Variants in UNC93B1 observed in about 807,000 individuals in gnomAD.
The protein encoded by UNC93B1 is unc-93B1 regulator of TLR signaling.
Under a neutral mutation model 56.8 loss-of-function variants are expected in UNC93B1, and 33 were observed. That is an observed-to-expected ratio of 0.58 (90% CI 0.44 to 0.78). The LOEUF (loss-of-function observed/expected upper bound fraction) is 0.78, where lower values mean the gene tolerates loss of function less well. UNC93B1 is among the 30% of genes least tolerant of loss of function. The pLI, the probability that UNC93B1 is intolerant of heterozygous loss-of-function variation, is 0.00. For synonymous variants in UNC93B1, 334 were observed against 358.6 expected (o/e 0.93, Z 0.77); for missense variants, 673 against 819.5 (o/e 0.82, Z 2.18).
In UNC93B1 at chr11:67,999,265, G is replaced by C. The variant is rs775530389; in HGVS notation, c.595C>G (p.Gln199Glu). 4 of 1,613,822 alleles carry C rather than the reference G, an allele frequency of 2.5e-6. No individual in the cohort carries two copies. The African/African-American group carries it at 5.3e-5, about 22-fold the overall frequency. ...CGCTGCTTCATCCCCTGCCCATCCTGCTCCTTGTAGTGGGAGTACTCATGG... is the reference window on the plus strand; with the variant it reads ...CGCTGCTTCATCCCCTGCCCATCCTCCTCCTTGTAGTGGGAGTACTCATGG... Reference protein sequence around the residue: ...KYHEYSHYKEQDGQGMKQRPP... With the variant: ...KYHEYSHYKEEDGQGMKQRPP... Residue 199 changes from glutamine to glutamate, a missense_variant, in exon 5 of 11, where the codon CAG (glutamine) becomes GAG (glutamate). By Grantham distance (29) the Gln-to-Glu change is conservative (BLOSUM62 2). Coordinates refer to ENST00000227471, the MANE Select transcript of UNC93B1 (RefSeq NM_030930.4).
In UNC93B1 at chr11:68,003,975, G is replaced by A; in HGVS notation, c.69C>T (p.Leu23=). Residue 23 remains leucine (L), a synonymous_variant, in exon 1 of 11, where the codon CTC becomes CTT. Transcript: ENST00000227471. The surrounding 1 kb of genome is among the most constrained non-coding windows in gnomAD (Gnocchi z 4.4). ...GGGCCTCGGGCCCGTCCGGGACCCC[G>A]AGCAGGTCCTCGTCGCCCTGCGGCC... ...AAGPQGDEDL[L]GVPDGPEAPL... 1 of 1,398,898 alleles carries A rather than the reference G, an allele frequency of 7.1e-7. No individual in the cohort carries two copies. The highest frequency in any genetic ancestry group is 9.3e-7 in the Non-Finnish European group (1 of 1,073,124). The allele number at this position is 1,398,898 out of a possible 1,614,324, so 86.7% of individuals were successfully genotyped here. A position where few individuals can be genotyped will look rare whatever the true frequency, so the allele number is the denominator to read the frequency against.
chr11:67,996,049 C>A (rs1404821467), intron 8 of UNC93B1, 165 bp from the exon 9 acceptor site: 2 of 469,436 alleles, frequency 4.3e-6, no homozygotes, highest in South Asian at 5.1e-5. Flanking sequence ...GGGTGCCTCA[C>A]CCCCCTGCGA....
Position 68,003,504 on chromosome 11 carries a change from C to T in UNC93B1, c.238+153G>A. 8.2e-7 allele frequency: 1 copy of T among 1,223,492 alleles called. No homozygotes were observed. The highest frequency in any genetic ancestry group is 1.1e-6 in the Non-Finnish European group (1 of 929,704). 75.8% of individuals were successfully genotyped at this position (1,223,492 alleles called of 1,614,324 possible). A position where few individuals can be genotyped will look rare whatever the true frequency, so the allele number is the denominator to read the frequency against. On this transcript the variant is annotated intron_variant, in intron 2 of 10. Transcript: ENST00000227471. This position sits in a 1 kb window ranked among gnomAD's most constrained non-coding sequence, Gnocchi z 4.4. Reference sequence around the variant, plus strand: ...GGGGACGCTGCGCTACTTGACCCCCCAACCCCACCCCCGCCGCGGGGGGCC... The same window carrying T: ...GGGGACGCTGCGCTACTTGACCCCCTAACCCCACCCCCGCCGCGGGGGGCC...
At chr11:67,998,519 C>A in intron 5 of UNC93B1, 67 bp from the exon 6 acceptor site, 2 of 1,534,906 alleles carry the variant, frequency 1.3e-6, no homozygotes, top group South Asian at 2.3e-5. Context: ...CAGGCATGGT[C>A]TGGGGAGGGG....
At position 67,996,739 on chromosome 11, in the gene UNC93B1, C is replaced by T. The variant is rs1310761447; in HGVS notation, c.952G>A (p.Asp318Asn). The change falls in exon 8 of 11, where the codon GAT (aspartate) becomes AAT (asparagine). Residue 318 changes from aspartate to asparagine, a missense_variant. Coordinates refer to ENST00000227471, the MANE Select transcript of UNC93B1 (RefSeq NM_030930.4). ...GAAYRPTEEI[D>N]LRSVGWGNIF... ...TTGCCCCAGCCCACGCTGCGCAGATCGATCTCCTCCGTGGGCCGGTAAGCG... is the reference window on the plus strand; with the variant it reads ...TTGCCCCAGCCCACGCTGCGCAGATTGATCTCCTCCGTGGGCCGGTAAGCG... 6 of 1,560,016 alleles carry T rather than the reference C, an allele frequency of 3.8e-6. No homozygotes were observed. The highest frequency in any genetic ancestry group is 5.2e-6 in the Non-Finnish European group (6 of 1,151,890).
chr11:67,991,679 C>T lies in UNC93B1; in HGVS notation c.1661G>A (p.Gly554Asp), dbSNP rs2375179. The change falls in exon 11 of 11, where the codon GGC becomes GAC. Residue 554 changes from glycine (G) to aspartate (D), a missense_variant. Physicochemically the swap from Gly to Asp is moderately conservative, Grantham distance 94 (BLOSUM62 -1). Coordinates refer to ENST00000227471, the MANE Select transcript of UNC93B1 (RefSeq NM_030930.4). ...CTCCTCCGCGCCGTCCCCATGCTCG[C>T]CCTCCGCGTCGCTCTCGTCCGAGTT... Reference protein sequence around the residue: ...EDNSDESDAEGEHGDGAEEEA... With the variant: ...EDNSDESDAEDEHGDGAEEEA... The T allele has an allele frequency of 7.5e-5, 115 of 1,531,396 alleles. No individual in the cohort carries two copies. The highest frequency in any genetic ancestry group is 6.7e-4 in the Admixed American group (34 of 50,890). The allele number at this position is 1,531,396 out of a possible 1,614,324, so 94.9% of individuals were successfully genotyped here.
At chr11:67,999,025 A>G (rs963291983) in intron 5 of UNC93B1, 148 bp downstream of exon 5, 40 of 1,316,876 alleles carry the variant, frequency 3.0e-5, no homozygotes, top group Non-Finnish European at 4.1e-5. Context: ...CAGGAGTTCA[A>G]AGCCATCTGG....
At chr11:67,992,075 C>A (rs1276234439) in intron 10 of UNC93B1, among the ~76,000 whole-genome samples, 1 of 152,268 alleles carries the variant, frequency 6.6e-6, no homozygotes, top group African/African-American at 2.4e-5. Context: ...ACGCCCCTGG[C>A]GACCTCAGTG....
intron 5 of UNC93B1, 22 bp from the exon 6 acceptor site, chr11:67,998,474 G>A: frequency 6.2e-7 from 1 of 1,613,020 alleles, no homozygotes; most frequent in Non-Finnish European, 8.5e-7. Context: ...AGGGCAGTTG[G>A]GACCAGACTC....
At position 67,991,661 on chromosome 11, in the gene UNC93B1, G is replaced by A. The variant is rs1039227286; in HGVS notation, c.1679C>T (p.Ala560Val). The change falls in exon 11 of 11, where the codon GCG (alanine) becomes GTG (valine). Residue 560 changes from alanine to valine, a missense_variant. Physicochemically the swap from Ala to Val is moderately conservative, Grantham distance 64 (BLOSUM62 0). Around this residue, in one of 3 missense-constraint regions of UNC93B1, gnomAD observed 80 missense variants for 85.3 expected, o/e 0.94. Transcript: ENST00000227471. Reference protein sequence around the residue: ...SDAEGEHGDGAEEEAPPAGPR... With the variant: ...SDAEGEHGDGVEEEAPPAGPR... Reference sequence around the variant, plus strand: ...CCCTGCGGGCGGCGCCTCCTCCTCCGCGCCGTCCCCATGCTCGCCCTCCGC... The same window carrying A: ...CCCTGCGGGCGGCGCCTCCTCCTCCACGCCGTCCCCATGCTCGCCCTCCGC... The A allele has an allele frequency of 7.2e-6, 11 of 1,529,490 alleles. No individual in the cohort carries two copies. The highest frequency in any genetic ancestry group is 8.7e-6 in the Non-Finnish European group (10 of 1,144,468). 94.7% of individuals were successfully genotyped at this position (1,529,490 alleles called of 1,614,324 possible).
intron 3 of UNC93B1, among the ~76,000 whole-genome samples, chr11:68,002,560 G>T (rs1476029872): frequency 6.6e-6 from 1 of 152,156 alleles, no homozygotes. Context: ...GCTCAGATCT[G>T]GGGGAGAGCT....
intron 6 of UNC93B1, 57 bp from the exon 7 acceptor site, chr11:67,997,856 C>T: frequency 6.3e-7 from 1 of 1,583,250 alleles, no homozygotes. Flanking sequence ...ACAGTCAATC[C>T]AGCCACCAGG....
rs906974288 is a variant in UNC93B1 at position 68,003,744 on chromosome 11, G to C, written c.151C>G (p.Arg51Gly). 98 of 1,525,436 alleles carry C rather than the reference G, an allele frequency of 6.4e-5. No individual in the cohort carries two copies. In the African/African-American group the frequency reaches 1.2e-3, roughly 19 times the overall value. The allele number at this position is 1,525,436 out of a possible 1,614,324, so 94.5% of individuals were successfully genotyped here. ...PNYNEEEEER[R>G]YYRRKRLGVL... Reference sequence around the variant, plus strand: ...CCCAGGCGCTTGCGGCGGTAGTAGCGGCGCTCCTCCTCCTCCTCGTTGTAG... The same window carrying C: ...CCCAGGCGCTTGCGGCGGTAGTAGCCGCGCTCCTCCTCCTCCTCGTTGTAG... The change falls in exon 2 of 11, where the codon CGC (arginine) becomes GGC (glycine). Residue 51 changes from arginine to glycine, a missense_variant. Coordinates refer to ENST00000227471, the MANE Select transcript of UNC93B1 (RefSeq NM_030930.4). This position sits in a 1 kb window ranked among gnomAD's most constrained non-coding sequence, Gnocchi z 4.4.
intron 8 of UNC93B1, 75 bp downstream of exon 8, chr11:67,996,527 T>C: frequency 1.6e-5 from 24 of 1,456,814 alleles, no homozygotes; most frequent in Non-Finnish European, 2.2e-5. Context: ...TAAAAATTAT[T>C]CTTTGTTTAC....
At chr11:68,002,953 G>A in intron 3 of UNC93B1, 69 bp downstream of exon 3, 1 of 1,506,514 alleles carries the variant, frequency 6.6e-7, no homozygotes, top group Non-Finnish European at 8.9e-7. Context: ...GACACCTCCT[G>A]GCCCGCCGGC....
intron 5 of UNC93B1, 116 bp downstream of exon 5, chr11:67,999,057 T>C (rs1405186896): frequency 6.8e-7 from 1 of 1,471,960 alleles, no homozygotes; most frequent in Non-Finnish European, 9.1e-7. Flanking sequence ...AGACCAGGCC[T>C]CTTAAAAATA....
chr11:68,001,479 T>C (rs1237391852), intron 3 of UNC93B1, among the ~76,000 whole-genome samples: 1 of 151,772 alleles, frequency 6.6e-6, no homozygotes, highest in Non-Finnish European at 1.5e-5. Context: ...CAACTCCCCA[T>C]CGCTACAAAT....
intron 8 of UNC93B1, among the ~76,000 whole-genome samples, chr11:67,996,353 G>T (rs1419701065): frequency 6.6e-6 from 1 of 152,070 alleles, no homozygotes; most frequent in Non-Finnish European, 1.5e-5. Context: ...GACACCGTGG[G>T]CTGTACCCCA....
chr11:67,997,804 G>A lies in UNC93B1; in HGVS notation c.782-5C>T, dbSNP rs1045648585. The A allele has an allele frequency of 1.9e-6, 3 of 1,604,810 alleles. No homozygotes were observed. Among genetic ancestry groups the A allele is most frequent in the Middle Eastern group, 1.7e-4 (1 of 6,048 alleles). ...GGATCCCGTGGCTGTTGGTGCCTGG[G>A]AAGGGTGGGGGTGAGGGCACCGTGA... On this transcript the variant is annotated splice_polypyrimidine_tract_variant and splice_region_variant and intron_variant, in intron 6 of 10. Transcript: ENST00000227471.
Sources: gnomAD v4.1 joint callset for allele counts (sites outside exome capture counted in the v4.1 genomes callset) on GRCh38, gnomAD v4.1.1 for gene constraint, gnomAD v4.1.1 regional missense constraint, Gnocchi (gnomAD v3.1) non-coding constraint, MANE v1.5 for transcripts, NCBI Gene and HGNC (gene_info 2026-07-23, HGNC 2026-07-21) for gene names.